TANC1: variants seen among roughly 807,000 people sequenced by gnomAD.
The protein encoded by TANC1 is tetratricopeptide repeat, ankyrin repeat and coiled-coil containing 1, also known as protein TANC1.
TANC1 carries 77 observed loss-of-function variants against 149.7 expected under a neutral mutation model. The observed-to-expected ratio is 0.51, with a 90% CI of 0.43 to 0.62. TANC1 has a LOEUF of 0.62. Ranked by LOEUF, TANC1 falls within the 20% of genes least tolerant of loss-of-function variation. The probability of loss-of-function intolerance (pLI) is 0.00; values close to 1 mark genes in which losing one functional copy is unlikely to be tolerated. For missense variants in TANC1, 1,985 were observed against 2,321.8 expected (o/e 0.85, Z 2.98); for synonymous variants, 854 against 925.0 (o/e 0.92, Z 1.39).
At chr2:159,012,633 A>G (rs190259117) in intron 2 of TANC1, among the ~76,000 whole-genome samples, 2 of 152,330 alleles carry the variant, frequency 1.3e-5, no homozygotes, top group East Asian at 1.9e-4. Context: ...TGACTTGTCA[A>G]TTTCTGAAGT....
chr2:159,111,621 G>T (rs542104171), intron 4 of TANC1, among the ~76,000 whole-genome samples: 1 of 152,168 alleles, frequency 6.6e-6, no homozygotes, highest in Non-Finnish European at 1.5e-5. Flanking sequence ...CCAGAATCCC[G>T]TATAGGAGGG....
intron 2 of TANC1, among the ~76,000 whole-genome samples, chr2:159,057,487 A>C (rs1375005817): frequency 6.6e-6 from 1 of 152,182 alleles, no homozygotes; most frequent in African/African-American, 2.4e-5. Context: ...CTTAATTGGA[A>C]AATTAGGTTG....
intron 4 of TANC1, among the ~76,000 whole-genome samples, chr2:159,104,591 C>G (rs1310886360): frequency 1.1e-5 from 1 of 94,070 alleles, no homozygotes; most frequent in Admixed American, 1.1e-4. Context: ...CTGTGTCACC[C>G]AGGCTGGAGT....
intron 4 of TANC1, among the ~76,000 whole-genome samples, chr2:159,111,836 G>A (rs1333813978): frequency 1.3e-5 from 2 of 152,244 alleles, no homozygotes; most frequent in Non-Finnish European, 2.9e-5. Flanking sequence ...GCTGTTTGAA[G>A]TTTGTTTGAT....
chr2:159,118,057 T>C (rs1237774701), intron 4 of TANC1, among the ~76,000 whole-genome samples: 2 of 152,184 alleles, frequency 1.3e-5, no homozygotes, highest in Non-Finnish European at 2.9e-5. Context: ...AGTTACAGGT[T>C]TTGGGGCAGA....
chr2:159,185,713 G>C (rs981637271), intron 14 of TANC1, 78 bp from the exon 15 acceptor site: 3 of 912,068 alleles, frequency 3.3e-6, no homozygotes, highest in Admixed American at 4.2e-5. Flanking sequence ...CTAAGGCAAT[G>C]GGTGGTGAAT....
intron 4 of TANC1, among the ~76,000 whole-genome samples, chr2:159,130,209 G>A (rs548827882): frequency 5.9e-5 from 9 of 152,258 alleles, no homozygotes; most frequent in South Asian, 4.2e-4. Flanking sequence ...AGCCTCCTGC[G>A]TTAAAACATA....
intron 5 of TANC1, among the ~76,000 whole-genome samples, chr2:159,146,239 AG>A (rs2052069620): frequency 6.6e-6 from 1 of 152,192 alleles, no homozygotes; most frequent in Non-Finnish European, 1.5e-5. Context: ...TCTGTGCATT[AG>A]GGAAGGGAGA....
intron 1 of TANC1, among the ~76,000 whole-genome samples, chr2:158,969,793 G>A (rs764456655): frequency 6.6e-6 from 1 of 152,244 alleles, no homozygotes; most frequent in African/African-American, 2.4e-5. Context: ...GCGGCCAAGG[G>A]GCGGAGGACG....
At chr2:158,968,982 TG>T (rs1406883224) in intron 1 of TANC1, among the ~76,000 whole-genome samples, 200 bp downstream of exon 1, 1 of 151,392 alleles carries the variant, frequency 6.6e-6, no homozygotes, top group Admixed American at 6.6e-5. Flanking sequence ...ACAGACATGT[TG>T]GGCGCCCCGG....
chr2:158,982,918 C>T (rs2034539988), intron 1 of TANC1, among the ~76,000 whole-genome samples: 1 of 152,202 alleles, frequency 6.6e-6, no homozygotes, highest in Non-Finnish European at 1.5e-5. Context: ...CCACCACATC[C>T]AGTCCTTACC....
chr2:159,054,618 A>G (rs1054772948), intron 2 of TANC1, among the ~76,000 whole-genome samples: 1 of 152,074 alleles, frequency 6.6e-6, no homozygotes, highest in Non-Finnish European at 1.5e-5. Context: ...AGGCTGTCTG[A>G]CCCTTCACTT....
intron 8 of TANC1, among the ~76,000 whole-genome samples, chr2:159,166,310 G>A (rs943511961): frequency 6.6e-6 from 1 of 152,132 alleles, no homozygotes; most frequent in Admixed American, 6.5e-5. Flanking sequence ...GGACTTATTG[G>A]CATGGACTTT....
intron 3 of TANC1, among the ~76,000 whole-genome samples, chr2:159,079,258 C>T (rs938231757): frequency 4.6e-5 from 7 of 151,468 alleles, no homozygotes; most frequent in Admixed American, 2.6e-4. Flanking sequence ...CTTGAATTCC[C>T]GAACTCAAGC....
At chr2:159,199,912 C>T (rs1469602160) in intron 19 of TANC1, among the ~76,000 whole-genome samples, 2 of 152,182 alleles carry the variant, frequency 1.3e-5, no homozygotes, top group African/African-American at 2.4e-5. Context: ...GCTTCACCTT[C>T]TGGCAGGAGT....
At chr2:159,206,212 G>A (rs993276583) in intron 19 of TANC1, among the ~76,000 whole-genome samples, 1 of 152,230 alleles carries the variant, frequency 6.6e-6, no homozygotes, top group Non-Finnish European at 1.5e-5. Flanking sequence ...TGTAAGGGGA[G>A]GGACAAAGTG....
chr2:159,013,330 A>T (rs2037955976), intron 2 of TANC1, among the ~76,000 whole-genome samples: 1 of 152,210 alleles, frequency 6.6e-6, no homozygotes, highest in African/African-American at 2.4e-5. Flanking sequence ...ACAGAGGATC[A>T]CACATCCTGA....
chr2:159,225,546 G>A (rs1045767128), intron 23 of TANC1, 142 bp from the exon 24 acceptor site: 9 of 672,696 alleles, frequency 1.3e-5, no homozygotes, highest in African/African-American at 5.4e-5. Flanking sequence ...CCTCGCCGGC[G>A]TCCTGCTCCC....
chr2:159,194,899 T>G (rs1007986784), intron 17 of TANC1, among the ~76,000 whole-genome samples: 5 of 152,200 alleles, frequency 3.3e-5, no homozygotes, highest in Non-Finnish European at 1.5e-5. Flanking sequence ...CATGAACTCA[T>G]GAAGAAGCCA....
Sources: gnomAD v4.1 joint callset for allele counts (sites outside exome capture counted in the v4.1 genomes callset) on GRCh38, gnomAD v4.1.1 for gene constraint, MANE v1.5 for transcripts, NCBI Gene and HGNC (gene_info 2026-07-23, HGNC 2026-07-21) for gene names.